Variants in ANK2 observed in about 807,000 individuals in gnomAD.
ANK2 encodes the protein ankyrin-2.
A neutral mutation model predicts 360.5 loss-of-function variants in ANK2; 83 were observed. The observed-to-expected ratio is 0.23, with a 90% CI of 0.19 to 0.28. The LOEUF is 0.28. Ranked by LOEUF, ANK2 falls within the 10% of genes least tolerant of loss-of-function variation. The pLI, the probability that ANK2 is intolerant of heterozygous loss-of-function variation, is 1.00. For missense variants in ANK2, 4,201 were observed against 4,795.7 expected (o/e 0.88, Z 3.66); for synonymous variants, 1,740 against 1,759.5 (o/e 0.99, Z 0.28).
At position 112,917,242 on chromosome 4, in the gene ANK2, A is replaced by G. The variant is rs532457936; in HGVS notation, c.21+12728A>G. 9.2e-5 allele frequency among the ~76,000 whole-genome samples: 14 copies of G among 152,366 alleles called. 1 individual carries two copies. In the South Asian group the frequency reaches 2.9e-3, roughly 32 times the overall value. Reference sequence around the variant, plus strand: ...AAAAAGAGCTTCTAACAGACTCTTTATTGATAACTCTCGTGGATCTAAAAT... The same window carrying G: ...AAAAAGAGCTTCTAACAGACTCTTTGTTGATAACTCTCGTGGATCTAAAAT... On this transcript the variant is annotated intron_variant, in intron 2 of 30. Coordinates refer to the ANK2 transcript ENST00000503271.
At chr4:112,713,287 G>A in the ANK2 span, among the ~76,000 whole-genome samples, 1 of 152,060 alleles carries the variant, frequency 6.6e-6, no homozygotes, top group African/African-American at 2.4e-5. Flanking sequence ...TTGTTTCCAG[G>A]TTGGGGCAGT....
chr4:113,300,136 C>T (rs1411855547), intron 22 of ANK2, among the ~76,000 whole-genome samples: 1 of 152,088 alleles, frequency 6.6e-6, no homozygotes, highest in Non-Finnish European at 1.5e-5. Flanking sequence ...TTATCAACCA[C>T]TACTATTCTC....
At chr4:112,763,983 G>C in the ANK2 span, among the ~76,000 whole-genome samples, 1 of 152,052 alleles carries the variant, frequency 6.6e-6, no homozygotes, top group South Asian at 2.1e-4. Flanking sequence ...TGGCTCTGTC[G>C]TCCAGGCTGG....
chr4:112,962,937 T>A (rs2154261564), intron 2 of ANK2, among the ~76,000 whole-genome samples: 1 of 152,294 alleles, frequency 6.6e-6, no homozygotes, highest in South Asian at 2.1e-4. Flanking sequence ...TGTGATCAAG[T>A]GTTATATTTA....
chr4:112,725,987 G>A, the ANK2 span, among the ~76,000 whole-genome samples: 769 of 152,286 alleles, frequency 5.0e-3, 2 homozygotes, highest in Non-Finnish European at 8.7e-3. Flanking sequence ...ACAAGTAGGT[G>A]CACAGAGCAC....
the ANK2 span, among the ~76,000 whole-genome samples, chr4:112,707,588 T>G: frequency 2.0e-5 from 3 of 152,216 alleles, no homozygotes; most frequent in African/African-American, 7.2e-5. Context: ...AGAATGAAGG[T>G]GAAATTATTG....
intron 4 of ANK2, among the ~76,000 whole-genome samples, chr4:113,209,180 C>CA (rs1562902760): frequency 6.6e-6 from 1 of 151,834 alleles, no homozygotes; most frequent in Non-Finnish European, 1.5e-5. Flanking sequence ...CATGGCAAAA[C>CA]AAGTTATGGG....
intron 23 of ANK2, among the ~76,000 whole-genome samples, chr4:113,306,300 A>G: frequency 6.6e-6 from 1 of 152,210 alleles, no homozygotes; most frequent in East Asian, 1.9e-4. Context: ...AACAGGGCAC[A>G]TAGATTTTAG....
At chr4:112,713,232 G>A in the ANK2 span, among the ~76,000 whole-genome samples, 1 of 152,228 alleles carries the variant, frequency 6.6e-6, no homozygotes, top group Non-Finnish European at 1.5e-5. Context: ...TCCATCGTAT[G>A]GGTGCACCAC....
At chr4:113,093,801 C>T (rs1398766637) in intron 1 of ANK2, among the ~76,000 whole-genome samples, 2 of 152,198 alleles carry the variant, frequency 1.3e-5, no homozygotes, top group African/African-American at 4.8e-5. Flanking sequence ...CCAAATAAGA[C>T]AGTAACTTTA....
chr4:113,145,593 A>G, intron 1 of ANK2: 19 of 1,057,244 alleles, frequency 1.8e-5, no homozygotes, highest in Non-Finnish European at 2.2e-5. Context: ...ATTGACATGC[A>G]TAGCTGGCCT....
chr4:112,922,175 CTCTT>C (rs2091690443), intron 2 of ANK2, among the ~76,000 whole-genome samples: 1 of 152,192 alleles, frequency 6.6e-6, no homozygotes, highest in African/African-American at 2.4e-5. Context: ...GGGAGACTGG[CTCTT>C]TCTTTAAGAG....
chr4:112,839,716 CA>C (rs1270023162), intron 1 of ANK2, among the ~76,000 whole-genome samples: 1 of 152,126 alleles, frequency 6.6e-6, no homozygotes, highest in Non-Finnish European at 1.5e-5. Flanking sequence ...AATTGTTTTA[CA>C]ATTAATCCAT....
intron 1 of ANK2, among the ~76,000 whole-genome samples, chr4:112,883,586 A>C (rs2077408618): frequency 6.6e-6 from 1 of 152,074 alleles, no homozygotes; most frequent in African/African-American, 2.4e-5. Context: ...ATTCATCGAA[A>C]TCTTTAAGGA....
At chr4:112,939,155 G>A (rs550591215) in intron 2 of ANK2, among the ~76,000 whole-genome samples, 14 of 152,022 alleles carry the variant, frequency 9.2e-5, no homozygotes, top group Middle Eastern at 3.2e-3. Flanking sequence ...TTTTAAAATT[G>A]TAATGGTTTA....
chr4:112,943,660 T>G (rs565869398), intron 2 of ANK2, among the ~76,000 whole-genome samples: 1 of 152,186 alleles, frequency 6.6e-6, no homozygotes, highest in East Asian at 1.9e-4. Context: ...TTATTATATA[T>G]TTTACTACAG....
chr4:112,887,354 T>C (rs957691916), intron 1 of ANK2, among the ~76,000 whole-genome samples: 5 of 152,238 alleles, frequency 3.3e-5, no homozygotes, highest in Non-Finnish European at 7.3e-5. Flanking sequence ...TGTAGGCTAA[T>C]GTAAGTGTTC....
At chr4:113,187,882 A>T (rs1042053936) in intron 2 of ANK2, among the ~76,000 whole-genome samples, 1 of 152,178 alleles carries the variant, frequency 6.6e-6, no homozygotes, top group African/African-American at 2.4e-5. Context: ...TTATCCATTC[A>T]TGAAGTGGGA....
chr4:113,323,409 G>A lies in ANK2; in HGVS notation c.2900+4789G>A, dbSNP rs544011431. Among the ~76,000 whole-genome samples, 32 of 152,100 alleles carry A rather than the reference G, an allele frequency of 2.1e-4. No individual in the cohort carries two copies. The East Asian group carries it at 2.5e-3, about 12-fold the overall frequency. On this transcript the variant is annotated intron_variant, in intron 26 of 45. Coordinates refer to ENST00000357077, the MANE Select transcript of ANK2 (RefSeq NM_001148.6). Reference sequence around the variant, plus strand: ...AAATGTATAAAACAAAAACCTTTGCGTCAAAACTGTGTCCATCAAATCAAA... The same window carrying A: ...AAATGTATAAAACAAAAACCTTTGCATCAAAACTGTGTCCATCAAATCAAA...
Sources: gnomAD v4.1 joint callset for allele counts (sites outside exome capture counted in the v4.1 genomes callset) on GRCh38, gnomAD v4.1.1 for gene constraint, MANE v1.5 for transcripts, NCBI Gene and HGNC (gene_info 2026-07-23, HGNC 2026-07-21) for gene names.